PCDHGA5: variants seen among roughly 807,000 people sequenced by gnomAD.
PCDHGA5 encodes the protein protocadherin gamma-A5.
A neutral mutation model predicts 56.7 loss-of-function variants in PCDHGA5; 36 were observed. The ratio of observed to expected loss-of-function variants is 0.64; its 90% CI spans 0.49 to 0.84. The LOEUF (loss-of-function observed/expected upper bound fraction) is 0.84. PCDHGA5 is among the 40% of genes least tolerant of loss of function. The probability of loss-of-function intolerance (pLI) is 0.00; values close to 1 mark genes in which losing one functional copy is unlikely to be tolerated. For synonymous variants in PCDHGA5, 563 were observed against 520.2 expected, an observed-to-expected ratio of 1.08 and a Z score of -1.12; for missense variants, 1,305 against 1,201.5, an observed-to-expected ratio of 1.09 and a Z score of -1.27.
chr5:141,384,770 G>A, intron 1 of PCDHGA5: 3 of 1,613,906 alleles, frequency 1.9e-6, no homozygotes, highest in Non-Finnish European at 2.5e-6. Flanking sequence ...CTGTACACGG[G>A]CGAGGTGCGC....
intron 1 of PCDHGA5, chr5:141,382,977 C>T: frequency 6.2e-7 from 1 of 1,610,566 alleles, no homozygotes. Context: ...CCTGGGAAGC[C>T]TGGGCAGGAC....
intron 1 of PCDHGA5, chr5:141,392,833 GC>G (rs922844407): frequency 1.2e-6 from 2 of 1,604,258 alleles, no homozygotes; most frequent in Non-Finnish European, 1.7e-6. Context: ...CCACAGAGTC[GC>G]CCCAGACGCG....
At chr5:141,475,543 G>A (rs1161883598) in intron 1 of PCDHGA5, among the ~76,000 whole-genome samples, 1 of 152,196 alleles carries the variant, frequency 6.6e-6, no homozygotes, top group African/African-American at 2.4e-5. Flanking sequence ...TACAAGTAGG[G>A]TCCGGCTAAT....
intron 1 of PCDHGA5, chr5:141,423,134 G>A: frequency 6.2e-7 from 1 of 1,613,680 alleles, no homozygotes; most frequent in South Asian, 1.1e-5. Flanking sequence ...CTGCTGGACA[G>A]AGACGCGCTC....
rs2099883850 is a variant in PCDHGA5, at chr5:141,511,565, A to T, written c.*392A>T. The T allele has an allele frequency of 3.4e-6, 1 of 295,974 alleles. No homozygotes were observed. Among genetic ancestry groups the T allele is most frequent in the African/African-American group, 2.2e-5 (1 of 46,502 alleles). The allele number at this position is 295,974 out of a possible 1,614,324, so 18.3% of individuals were successfully genotyped here. The stretch of plus-strand genomic sequence containing the variant: ...CCACTCCAACAGTTCCTCTTTCCCG[A>T]GTAAGGTGGTTGGGGTGTTGAAGTA... On this transcript the variant is annotated 3_prime_UTR_variant, in exon 4 of 4. Coordinates refer to ENST00000518069, the MANE Select transcript of PCDHGA5 (RefSeq NM_018918.3).
chr5:141,433,291 T>A, intron 1 of PCDHGA5: 1 of 1,094,048 alleles, frequency 9.1e-7, no homozygotes, highest in Non-Finnish European at 1.3e-6. Flanking sequence ...ACTCCTAGGC[T>A]CAAGCAATTA....
intron 1 of PCDHGA5, chr5:141,424,621 T>C (rs560809778): frequency 6.6e-6 from 1 of 152,346 alleles, no homozygotes; most frequent in Non-Finnish European, 1.5e-5. Context: ...TAGAGTAGTT[T>C]GTGAATATAT....
At chr5:141,456,051 C>T (rs1592410743) in intron 1 of PCDHGA5, among the ~76,000 whole-genome samples, 1 of 151,998 alleles carries the variant, frequency 6.6e-6, no homozygotes, top group Non-Finnish European at 1.5e-5. Context: ...GCGCCCACCA[C>T]CACGTCCGGC....
At chr5:141,409,617 C>A (rs2095293168) in intron 1 of PCDHGA5, 1 of 1,613,748 alleles carries the variant, frequency 6.2e-7, no homozygotes, top group South Asian at 1.1e-5. Context: ...GCCTCCATTG[C>A]GCAAGTGAGC....
At chr5:141,446,873 A>T (rs1324695415) in intron 1 of PCDHGA5, among the ~76,000 whole-genome samples, 1 of 152,132 alleles carries the variant, frequency 6.6e-6, no homozygotes, top group African/African-American at 2.4e-5. Flanking sequence ...CTACACTGGT[A>T]TGTTTTGGGG....
At position 141,491,289 on chromosome 5, in the gene PCDHGA5, C is replaced by T. The variant is rs2099710219; in HGVS notation, c.2422-3518C>T. ...CCAAATCCAGTGACTTCCTCATACA[C>T]CCTCCTGAGCGTTCAGACCTTACCC... On this transcript the variant is annotated intron_variant, in intron 1 of 3. Transcript: ENST00000518069. The surrounding 1 kb of genome is among the most constrained non-coding windows in gnomAD (Gnocchi z 6.9). 2 of 1,614,112 alleles carry T rather than the reference C, an allele frequency of 1.2e-6. No homozygotes were observed. The highest frequency in any genetic ancestry group is 1.7e-6 in the Non-Finnish European group (2 of 1,179,942).
chr5:141,487,423 C>T lies in PCDHGA5; in HGVS notation c.2422-7384C>T. 1 of 1,614,158 alleles carries T rather than the reference C, an allele frequency of 6.2e-7. No homozygotes were observed. Among genetic ancestry groups the T allele is most frequent in the Non-Finnish European group, 8.5e-7 (1 of 1,180,012 alleles). On this transcript the variant is annotated intron_variant, in intron 1 of 3. Transcript: ENST00000518069. The surrounding 1 kb of genome is among the most constrained non-coding windows in gnomAD (Gnocchi z 5.0). ...GGCTTCCCCCTTCCAATGGGATCCTCCGAATCCAGCTAGGGTCAGATGACC... is the reference window on the plus strand; with the variant it reads ...GGCTTCCCCCTTCCAATGGGATCCTTCGAATCCAGCTAGGGTCAGATGACC...
At chr5:141,416,761 C>G (rs1371541017) in intron 1 of PCDHGA5, 2 of 152,140 alleles carry the variant, frequency 1.3e-5, no homozygotes, top group Non-Finnish European at 2.9e-5. Context: ...AGGTAGATCT[C>G]TTAATTTTAT....
chr5:141,413,288 C>T (rs2095623576), intron 1 of PCDHGA5: 2 of 1,613,950 alleles, frequency 1.2e-6, no homozygotes, highest in East Asian at 4.5e-5. Flanking sequence ...ATCTCCTACT[C>T]AATTCCTGAG....
intron 1 of PCDHGA5, chr5:141,383,465 C>T: frequency 6.2e-7 from 1 of 1,613,792 alleles, no homozygotes; most frequent in Non-Finnish European, 8.5e-7. Flanking sequence ...GACGATGAAA[C>T]TAAGTACCCG....
intron 1 of PCDHGA5, chr5:141,405,082 G>C: frequency 6.2e-7 from 1 of 1,613,794 alleles, no homozygotes; most frequent in East Asian, 2.2e-5. Context: ...TCGTTATCAC[G>C]CTGCTGGCCC....
intron 1 of PCDHGA5, chr5:141,412,940 T>G: frequency 2.2e-6 from 1 of 463,218 alleles, no homozygotes; most frequent in Non-Finnish European, 3.8e-6. Context: ...CTTAGGACTC[T>G]GAGCGCCGCT....
At chr5:141,403,179 C>T (rs1341077920) in intron 1 of PCDHGA5, 1 of 1,614,000 alleles carries the variant, frequency 6.2e-7, no homozygotes, top group Admixed American at 1.7e-5. Flanking sequence ...CAGCTTTTCT[C>T]TCTGAACCCG....
At chr5:141,372,751 C>T (rs775212888) in intron 1 of PCDHGA5, 1 of 1,613,310 alleles carries the variant, frequency 6.2e-7, no homozygotes, top group Admixed American at 1.7e-5. Flanking sequence ...GATGAAGCCT[C>T]TTGGTTTGAA....
Sources: gnomAD v4.1 joint callset for allele counts (sites outside exome capture counted in the v4.1 genomes callset) on GRCh38, gnomAD v4.1.1 for gene constraint, Gnocchi (gnomAD v3.1) non-coding constraint, MANE v1.5 for transcripts, NCBI Gene and HGNC (gene_info 2026-07-23, HGNC 2026-07-21) for gene names.